The following TOP3A variants were observed in gnomAD, a reference collection of about 807,000 sequenced individuals.
The protein encoded by TOP3A is DNA topoisomerase 3-alpha.
A neutral mutation model predicts 111.3 loss-of-function variants in TOP3A; 64 were observed. The ratio of observed to expected loss-of-function variants is 0.57; its 90% confidence interval spans 0.47 to 0.71. The LOEUF (loss-of-function observed/expected upper bound fraction) is 0.71. TOP3A is among the 30% of genes least tolerant of loss of function. TOP3A has a pLI of 0.00. For missense variants in TOP3A, 1,104 were observed against 1,285.0 expected (o/e 0.86, Z 2.15); for synonymous variants, 484 against 485.1 (o/e 1.00, Z 0.03).
At chr17:18,300,650 G>C (rs1981170492) in intron 8 of TOP3A, among the ~76,000 whole-genome samples, 1 of 151,868 alleles carries the variant, frequency 6.6e-6, no homozygotes, top group Non-Finnish European at 1.5e-5. Context: ...CAATCTGCTG[G>C]GCTCAAGCGA....
intron 9 of TOP3A, among the ~76,000 whole-genome samples, chr17:18,297,436 C>CTGTCCCTGTCCCTCTCCCCACGG (rs1323414544): frequency 2.0e-4 from 17 of 84,876 alleles, no homozygotes; most frequent in Non-Finnish European, 3.7e-4. Context: ...GTCCCTGTCC[C>CTGTCCCTGTCCCTCTCCCCACGG]TGTCCCTCTC....
intron 18 of TOP3A, 135 bp downstream of exon 18, chr17:18,277,540 T>C (rs1447790231): frequency 7.8e-6 from 7 of 900,092 alleles, no homozygotes; most frequent in Non-Finnish European, 1.2e-5. Flanking sequence ...TGAGGAAAAG[T>C]GAGGTGCAAG....
intron 1 of TOP3A, chr17:18,312,854 C>T (rs1450723490): frequency 2.5e-5 from 4 of 158,624 alleles, no homozygotes; most frequent in Admixed American, 1.2e-4. Flanking sequence ...CGGTGGCTCA[C>T]GCCTGTAACC....
Position 18,305,504 on chromosome 17 carries a change from GCA to G in TOP3A, c.391-286_391-285del, listed in dbSNP as rs1567750725. ...CACACACACGCGCGCGCGCGCGCGCGCACGCACACTTCGAGAGGTTCTGATTA... is the reference window on the plus strand; with the variant it reads ...CACACACACGCGCGCGCGCGCGCGCGCGCACACTTCGAGAGGTTCTGATTA... On this transcript the variant is annotated intron_variant, in intron 4 of 18. Transcript: ENST00000321105. Among the ~76,000 whole-genome samples, 17 of 150,988 alleles carry G rather than the reference GCA, an allele frequency of 1.1e-4. No homozygotes were observed. In the East Asian group the frequency reaches 2.4e-3, roughly 21 times the overall value.
chr17:18,301,847 G>C, intron 8 of TOP3A, 38 bp downstream of exon 8: 1 of 1,539,568 alleles, frequency 6.5e-7, no homozygotes, highest in Non-Finnish European at 9.0e-7. Context: ...GGTTTGGGAG[G>C]TGTGCAGAAT....
chr17:18,298,410 T>A (rs113414992), intron 9 of TOP3A, among the ~76,000 whole-genome samples: 3 of 62,150 alleles, frequency 4.8e-5, no homozygotes, highest in South Asian at 3.5e-4. Flanking sequence ...CCGGCCAGCC[T>A]CCCCGTCCGG....
intron 5 of TOP3A, among the ~76,000 whole-genome samples, chr17:18,303,800 T>G (rs1359822054): frequency 2.0e-5 from 3 of 152,180 alleles, no homozygotes; most frequent in Non-Finnish European, 4.4e-5. Context: ...AGCACTGGTG[T>G]AGGTCTTCAC....
intron 10 of TOP3A, among the ~76,000 whole-genome samples, chr17:18,293,903 A>T (rs1474532255): frequency 2.6e-5 from 4 of 152,124 alleles, no homozygotes; most frequent in African/African-American, 9.7e-5. Flanking sequence ...CATAATTTAA[A>T]ATTTTCAATT....
intron 18 of TOP3A, 114 bp from the exon 19 acceptor site, chr17:18,275,094 G>A: frequency 1.4e-6 from 2 of 1,431,296 alleles, no homozygotes; most frequent in Non-Finnish European, 1.9e-6. Context: ...TGAGGGAGGA[G>A]GATTGCTTGA....
intron 9 of TOP3A, among the ~76,000 whole-genome samples, chr17:18,297,552 G>A (rs368383175): frequency 6.6e-6 from 1 of 152,304 alleles, no homozygotes; most frequent in East Asian, 1.9e-4. Flanking sequence ...CCTGCGGACT[G>A]CCTGCGATTG....
rs147225465 is a variant in TOP3A at position 18,277,694 on chromosome 17, G to A, written c.2808C>T (p.Val936=). The A allele has an allele frequency of 2.7e-5, 43 of 1,609,794 alleles. No individual in the cohort carries two copies. Among genetic ancestry groups the A allele is most frequent in the African/African-American group, 4.0e-5 (3 of 74,832 alleles). The change falls in exon 18 of 19, where the codon GTC becomes GTT. Residue 936 remains valine (V), a synonymous_variant. Transcript: ENST00000321105. ...CCTCACCTGGAGCGGTGTTCTCATC[G>A]ACCCACTGGAAAAAGCCACACTGCT... ...REQQCGFFQW[V]DENTAPGTSG...
intron 13 of TOP3A, among the ~76,000 whole-genome samples, chr17:18,289,279 T>C (rs530887696): frequency 6.6e-6 from 1 of 152,310 alleles, no homozygotes; most frequent in African/African-American, 2.4e-5. Context: ...CCTCCCAAAG[T>C]ACTAAGATTA....
At chr17:18,299,474 C>T (rs1004228904) in intron 9 of TOP3A, 85 bp downstream of exon 9, 1 of 1,266,466 alleles carries the variant, frequency 7.9e-7, no homozygotes, top group Non-Finnish European at 1.2e-6. Context: ...TTTTCTTCCA[C>T]CAAGCCACAG....
intron 1 of TOP3A, among the ~76,000 whole-genome samples, chr17:18,310,009 G>C (rs1047696896): frequency 6.6e-6 from 1 of 151,606 alleles, no homozygotes; most frequent in East Asian, 2.0e-4. Flanking sequence ...CACGCCCAGC[G>C]AATGTCTATA....
At chr17:18,312,982 C>G (rs1982005979) in intron 1 of TOP3A, 2 of 152,500 alleles carry the variant, frequency 1.3e-5, no homozygotes, top group Non-Finnish European at 2.9e-5. Flanking sequence ...TGGTGACAGG[C>G]ACCTGTAATC....
At chr17:18,282,585 C>T (rs546079091) in intron 16 of TOP3A, 113 bp downstream of exon 16, 8 of 1,493,714 alleles carry the variant, frequency 5.4e-6, no homozygotes, top group Non-Finnish European at 7.3e-6. Context: ...AGGTTGGCAA[C>T]AACAGGCCTG....
At chr17:18,285,572 C>T (rs755055314) in intron 13 of TOP3A, 52 bp from the exon 14 acceptor site, 64 of 1,541,440 alleles carry the variant, frequency 4.2e-5, no homozygotes, top group Admixed American at 1.4e-4. Context: ...CAGCTCCACC[C>T]GGGTGGCGCA....
intron 8 of TOP3A, 142 bp downstream of exon 8, chr17:18,301,743 T>C: frequency 1.6e-6 from 1 of 643,876 alleles, no homozygotes; most frequent in Non-Finnish European, 2.7e-6. Context: ...GGGTTCGTCT[T>C]ATTGGTTCCC....
Position 18,273,527 on chromosome 17 carries a change from AG to A in TOP3A, c.*1274del, listed in dbSNP as rs779327025. The stretch of plus-strand genomic sequence containing the variant: ...AGGACAGAGGCTGACGAGACCTCCC[AG>A]GGTGAGCTCCTTCCAGCACTGGCTG... On this transcript the variant is annotated 3_prime_UTR_variant, in exon 19 of 19. Coordinates refer to ENST00000321105, the MANE Select transcript of TOP3A (RefSeq NM_004618.5). Among the ~76,000 whole-genome samples the A allele has an allele frequency of 1.6e-3, 242 of 152,340 alleles. No individual in the cohort carries two copies. Among genetic ancestry groups the A allele is most frequent in the Non-Finnish European group, 2.8e-3 (191 of 68,026 alleles).
Sources: gnomAD v4.1 joint callset for allele counts (sites outside exome capture counted in the v4.1 genomes callset) on GRCh38, gnomAD v4.1.1 for gene constraint, MANE v1.5 for transcripts, NCBI Gene and HGNC (gene_info 2026-07-23, HGNC 2026-07-21) for gene names.